The following ESRRG variants were observed in gnomAD, a reference collection of about 807,000 sequenced individuals.
ESRRG encodes estrogen-related receptor gamma.
In ESRRG, 13 loss-of-function variants were observed where a neutral mutation model predicts 44.0. That is an observed-to-expected ratio of 0.30 (90% CI 0.19 to 0.47). The LOEUF is 0.47. Among genes scored for constraint, ESRRG ranks in the 20% least tolerant of loss-of-function variants. ESRRG has a pLI of 1.00. For synonymous variants in ESRRG, 215 were observed against 214.6 expected (o/e 1.00, Z -0.02); for missense variants, 395 against 580.6 (o/e 0.68, Z 3.29).
intron 2 of ESRRG, among the ~76,000 whole-genome samples, chr1:216,662,578 C>A (rs1190353310): frequency 6.6e-6 from 1 of 151,956 alleles, no homozygotes; most frequent in African/African-American, 2.4e-5. Flanking sequence ...TCGCATCCCC[C>A]AGGAAGAGTA....
intron 2 of ESRRG, among the ~76,000 whole-genome samples, chr1:216,904,418 G>C (rs2059448896): frequency 1.3e-5 from 2 of 152,132 alleles, no homozygotes; most frequent in African/African-American, 4.8e-5. Flanking sequence ...GGATATTCTG[G>C]TAAATGTAGT....
At chr1:216,770,794 A>G (rs1258764843) in intron 2 of ESRRG, among the ~76,000 whole-genome samples, 1 of 152,082 alleles carries the variant, frequency 6.6e-6, no homozygotes, top group Non-Finnish European at 1.5e-5. Context: ...AAAAGCTGAT[A>G]GTAGATTCAC....
intron 5 of ESRRG, among the ~76,000 whole-genome samples, chr1:216,547,579 G>C (rs1375101920): frequency 6.6e-6 from 1 of 152,064 alleles, no homozygotes; most frequent in Non-Finnish European, 1.5e-5. Context: ...TGGTGCAAGC[G>C]TGTGTGTTAA....
intron 1 of ESRRG, among the ~76,000 whole-genome samples, chr1:217,041,890 A>C (rs955386057): frequency 6.6e-6 from 1 of 152,236 alleles, no homozygotes; most frequent in Non-Finnish European, 1.5e-5. Context: ...GAAGGGAATA[A>C]GTATGCTTAT....
intron 1 of ESRRG, among the ~76,000 whole-genome samples, chr1:217,047,786 C>T (rs948392227): frequency 2.6e-5 from 4 of 151,988 alleles, no homozygotes; most frequent in Middle Eastern, 3.2e-3. Context: ...AAAAGCCAGG[C>T]TTTGTACAAA....
intron 2 of ESRRG, among the ~76,000 whole-genome samples, chr1:216,756,631 G>A (rs1293267857): frequency 1.3e-5 from 2 of 152,022 alleles, no homozygotes; most frequent in Non-Finnish European, 2.9e-5. Flanking sequence ...AGGCAGGGAA[G>A]GGGAGCTATG....
intron 3 of ESRRG, among the ~76,000 whole-genome samples, chr1:216,592,690 G>T (rs1161235969): frequency 6.6e-6 from 1 of 152,084 alleles, no homozygotes; most frequent in East Asian, 1.9e-4. Context: ...AGTAGAGATG[G>T]TGTTTCTCCA....
chr1:216,766,117 C>A (rs1300946284), intron 2 of ESRRG, among the ~76,000 whole-genome samples: 1 of 152,102 alleles, frequency 6.6e-6, no homozygotes, highest in Non-Finnish European at 1.5e-5. Flanking sequence ...TACTTGTCCT[C>A]ACGGAGGTGC....
chr1:216,745,428 C>T (rs958548721), intron 2 of ESRRG, among the ~76,000 whole-genome samples: 11 of 152,120 alleles, frequency 7.2e-5, no homozygotes, highest in African/African-American at 2.2e-4. Flanking sequence ...TGGCCTCAAG[C>T]GATCTTCCTG....
intron 1 of ESRRG, among the ~76,000 whole-genome samples, chr1:216,975,271 T>C (rs1404734970): frequency 1.3e-5 from 2 of 152,208 alleles, no homozygotes; most frequent in Non-Finnish European, 2.9e-5. Context: ...TTCATATTCT[T>C]CTTTCAATGT....
Position 217,025,363 on chromosome 1 carries a change from AG to A in ESRRG, c.-106+64143del, listed in dbSNP as rs2081020701. ...ATAAATTTCTGCTTTAAAAAAAAAAAGTAATGGTTTGATAAAAGATAACTGA... is the reference window on the plus strand; with the variant it reads ...ATAAATTTCTGCTTTAAAAAAAAAAATAATGGTTTGATAAAAGATAACTGA... On this transcript the variant is annotated intron_variant, in intron 1 of 7. Coordinates refer to the ESRRG transcript ENST00000359162. Among the ~76,000 whole-genome samples the A allele has an allele frequency of 2.0e-5, 3 of 151,958 alleles. No individual in the cohort carries two copies. The South Asian group carries it at 6.2e-4, about 32-fold the overall frequency.
rs1018672742 is a variant in ESRRG at position 216,880,543 on chromosome 1, A to G, written c.-14+59039T>C. Among the ~76,000 whole-genome samples the G allele has an allele frequency of 3.3e-5, 5 of 152,108 alleles. No individual in the cohort carries two copies. In the East Asian group the frequency reaches 9.7e-4, roughly 29 times the overall value. On this transcript the variant is annotated intron_variant, in intron 2 of 7. Transcript: ENST00000359162. The stretch of plus-strand genomic sequence containing the variant: ...AGCCAGTTTTTATTAGCTTATATCC[A>G]AATGTAGTTTCAACACTGCATTCAT...
intron 2 of ESRRG, among the ~76,000 whole-genome samples, chr1:216,815,389 A>G (rs2095101579): frequency 6.6e-6 from 1 of 152,232 alleles, no homozygotes; most frequent in Admixed American, 6.5e-5. Context: ...CTGGGAGCCA[A>G]CTGAGGAGGC....
chr1:216,982,223 G>C (rs980812859), intron 1 of ESRRG, among the ~76,000 whole-genome samples: 3 of 152,190 alleles, frequency 2.0e-5, no homozygotes, highest in Non-Finnish European at 2.9e-5. Context: ...TGCAGTGTAA[G>C]TTCTCTGATT....
chr1:216,566,166 C>G (rs528320818), intron 4 of ESRRG, among the ~76,000 whole-genome samples: 1 of 152,206 alleles, frequency 6.6e-6, no homozygotes, highest in South Asian at 2.1e-4. Flanking sequence ...ATCAATAGAA[C>G]CCAATTTTCA....
At chr1:216,690,374 G>T (rs779609070) in intron 1 of ESRRG, among the ~76,000 whole-genome samples, 4 of 152,024 alleles carry the variant, frequency 2.6e-5, no homozygotes, top group Non-Finnish European at 5.9e-5. Flanking sequence ...AAACATCCTG[G>T]CCAAGTAAAA....
At chr1:216,954,214 GCA>G (rs1250293417) in intron 1 of ESRRG, among the ~76,000 whole-genome samples, 2 of 151,456 alleles carry the variant, frequency 1.3e-5, no homozygotes. Context: ...TTTTTTAATT[GCA>G]CTACTCCATG....
intron 2 of ESRRG, among the ~76,000 whole-genome samples, chr1:216,932,825 C>T (rs901012605): frequency 5.5e-4 from 83 of 149,728 alleles, no homozygotes; most frequent in African/African-American, 2.0e-3. Flanking sequence ...ACTTTGGCCT[C>T]CCAAAGTGCT....
At chr1:217,088,758 G>A (rs2092248563) in intron 1 of ESRRG, among the ~76,000 whole-genome samples, 1 of 152,058 alleles carries the variant, frequency 6.6e-6, no homozygotes, top group Admixed American at 6.5e-5. Context: ...TTGCCGGAAG[G>A]GAAAAGAAAG....
Sources: allele counts gnomAD v4.1 joint callset (sites outside exome capture counted in the v4.1 genomes callset), GRCh38; gene constraint gnomAD v4.1.1; transcripts MANE v1.5; gene names NCBI Gene and HGNC (gene_info 2026-07-23, HGNC 2026-07-21).